Variants in UBXN6 observed in about 807,000 individuals in gnomAD.
The protein encoded by UBXN6 is UBX domain protein 6, also known as UBX domain-containing protein 6.
A neutral mutation model predicts 51.4 loss-of-function variants in UBXN6; 44 were observed. The observed-to-expected ratio is 0.86, with a 90% confidence interval of 0.67 to 1.10. The LOEUF (loss-of-function observed/expected upper bound fraction) is 1.10. UBXN6 is among the 50% of genes least tolerant of loss of function. The pLI is 0.00. For missense variants in UBXN6, 672 were observed against 596.1 expected (o/e 1.13, Z -1.32); for synonymous variants, 316 against 263.2 (o/e 1.20, Z -1.94).
At chr19:4,455,099 G>T in intron 1 of UBXN6, 1 of 580,810 alleles carries the variant, frequency 1.7e-6, no homozygotes, top group Non-Finnish European at 2.2e-6. Context: ...ACCAAGGAGA[G>T]TTCCGTAACC....
intron 10 of UBXN6, 172 bp downstream of exon 10, chr19:4,445,877 C>T: frequency 1.7e-6 from 2 of 1,172,732 alleles, no homozygotes; most frequent in South Asian, 1.6e-5. Flanking sequence ...TAGTTATGAA[C>T]TTGCTCGAGG....
At chr19:4,445,865 A>G (rs1974499907) in intron 10 of UBXN6, 184 bp downstream of exon 10, 1 of 1,081,688 alleles carries the variant, frequency 9.2e-7, no homozygotes, top group Admixed American at 2.8e-5. Context: ...TGAGGCGTGG[A>G]GTAGTTATGA....
intron 4 of UBXN6, among the ~76,000 whole-genome samples, chr19:4,451,687 G>C (rs1457319844): frequency 6.6e-6 from 1 of 151,832 alleles, no homozygotes; most frequent in Non-Finnish European, 1.5e-5. Flanking sequence ...GCCCAGGTTG[G>C]AGTGCAATGG....
At chr19:4,447,017 G>C in intron 6 of UBXN6, 97 bp from the exon 7 acceptor site, 1 of 1,257,578 alleles carries the variant, frequency 8.0e-7, no homozygotes, top group Non-Finnish European at 1.1e-6. Context: ...GCTATTGGGA[G>C]CAGCTGTCGA....
upstream of UBXN6, chr19:4,457,803 A>T (rs1432803845): frequency 1.4e-3 from 746 of 522,172 alleles, 23 homozygotes; most frequent in Non-Finnish European, 1.6e-3. Flanking sequence ...ATTAAAAAAA[A>T]AAAAAAAAAA....
chr19:4,446,533 G>A lies in UBXN6; in HGVS notation c.887C>T (p.Thr296Ile). The part of the protein sequence containing the change: ...FELPGDFFNL[T>I]AEEIKREQRL... ...CTGCTCCCGCTTGATCTCCTCTGCT[G>A]TGAGGTTGAAGAAGTCCCCAGGCAG... The change falls in exon 8 of 11, where the codon ACA becomes ATA. Residue 296 changes from threonine (T) to isoleucine (I), a missense_variant. By Grantham distance (89) the Thr-to-Ile change is moderately conservative. Transcript: ENST00000301281. 2 of 1,611,914 alleles carry A rather than the reference G, an allele frequency of 1.2e-6. No individual in the cohort carries two copies.
At chr19:4,447,782 G>T in intron 5 of UBXN6, 157 bp from the exon 6 acceptor site, 1 of 713,108 alleles carries the variant, frequency 1.4e-6, no homozygotes, top group Non-Finnish European at 2.4e-6. Flanking sequence ...CCATCTCCGG[G>T]TGGAAGGCAC....
rs775220787 is a variant in UBXN6, at chr19:4,446,344, C to T, written c.990G>A (p.Gly330=). The change falls in exon 9 of 11, where the codon GGG becomes GGA. Residue 330 remains glycine, a synonymous_variant. Coordinates refer to ENST00000301281, the MANE Select transcript of UBXN6 (RefSeq NM_025241.3). The part of the protein sequence containing the change: ...KAMREKEEQR[G]LRKYNYTLLR... ...GCAGCGTGTAGTTGTACTTGCGCAGCCCCCGCTGCTCCTCCTTCTCCCGCA... is the reference window on the plus strand; with the variant it reads ...GCAGCGTGTAGTTGTACTTGCGCAGTCCCCGCTGCTCCTCCTTCTCCCGCA... 4.5e-6 allele frequency: 7 copies of T among 1,570,268 alleles called. No homozygotes were observed. The highest frequency in any genetic ancestry group is 1.1e-5 in the South Asian group (1 of 87,336).
At chr19:4,449,610 T>A (rs1418407403) in intron 4 of UBXN6, 1 of 152,148 alleles carries the variant, frequency 6.6e-6, no homozygotes, top group African/African-American at 2.4e-5. Context: ...GCGTGTCAGC[T>A]CCAAAAGCGG....
chr19:4,453,311 G>C (rs1974685847), intron 3 of UBXN6, 147 bp downstream of exon 3: 1 of 879,646 alleles, frequency 1.1e-6, no homozygotes, highest in Non-Finnish European at 1.7e-6. Flanking sequence ...ACAACACCGT[G>C]TTCCACCACA....
chr19:4,446,381 C>G lies in UBXN6; in HGVS notation c.953G>C (p.Arg318Pro). Residue 318 changes from arginine (R) to proline (P), a missense_variant, in exon 9 of 11, where the codon CGG becomes CCG. Coordinates refer to ENST00000301281, the MANE Select transcript of UBXN6 (RefSeq NM_025241.3). ...CTCCTTCTCCCGCATGGCCTTGGTCCGCAGCACGCTCAGCCGCTCCACCGC... is the reference window on the plus strand; with the variant it reads ...CTCCTTCTCCCGCATGGCCTTGGTCGGCAGCACGCTCAGCCGCTCCACCGC... ...SEAVERLSVL[R>P]TKAMREKEEQ... is the part of the protein sequence containing the mutation. 6.3e-7 allele frequency: 1 copy of G among 1,576,872 alleles called. No homozygotes were observed. The highest frequency in any genetic ancestry group is 1.3e-5 in the African/African-American group (1 of 74,528).
rs998827976 is a variant in UBXN6 at position 4,453,601 on chromosome 19, C to T, written c.248-79G>A. On this transcript the variant is annotated intron_variant, in intron 2 of 10. Transcript: ENST00000301281. Reference sequence around the variant, plus strand: ...GTCCTGGCCCAAGCCCCCTCATTCCCGGGGTGGGCCTGGGGGCCACGCACA... The same window carrying T: ...GTCCTGGCCCAAGCCCCCTCATTCCTGGGGTGGGCCTGGGGGCCACGCACA... The T allele has an allele frequency of 2.0e-5, 31 of 1,545,570 alleles. No homozygotes were observed. The East Asian group carries it at 3.3e-4, about 16-fold the overall frequency.
At chr19:4,452,986 G>A (rs1471035443) in intron 3 of UBXN6, among the ~76,000 whole-genome samples, 1 of 152,190 alleles carries the variant, frequency 6.6e-6, no homozygotes, top group Non-Finnish European at 1.5e-5. Flanking sequence ...CCACCTCCTA[G>A]AGGAAGGCCT....
intron 1 of UBXN6, among the ~76,000 whole-genome samples, chr19:4,456,529 G>A (rs961178979): frequency 1.3e-5 from 2 of 151,312 alleles, no homozygotes; most frequent in African/African-American, 4.9e-5. Flanking sequence ...CCACCCTCTG[G>A]CCAGCCAGCT....
At chr19:4,457,544 C>G in intron 1 of UBXN6, 71 bp downstream of exon 1, 1 of 1,440,808 alleles carries the variant, frequency 6.9e-7, no homozygotes, top group Non-Finnish European at 9.3e-7. Flanking sequence ...CCGAGCCGCC[C>G]AAGGCCCCAG....
intron 4 of UBXN6, 193 bp from the exon 5 acceptor site, chr19:4,448,608 G>A (rs1050795431): frequency 1.7e-5 from 10 of 600,550 alleles, no homozygotes; most frequent in East Asian, 5.5e-5. Flanking sequence ...GGGCAGAGGC[G>A]ACGCAGCCAA....
At chr19:4,453,308 C>G (rs1304517165) in intron 3 of UBXN6, 150 bp downstream of exon 3, 2 of 855,758 alleles carry the variant, frequency 2.3e-6, no homozygotes, top group Non-Finnish European at 3.6e-6. Flanking sequence ...CAGACAACAC[C>G]GTGTTCCACC....
chr19:4,447,087 A>G (rs1974548913), intron 6 of UBXN6, 167 bp from the exon 7 acceptor site: 4 of 645,804 alleles, frequency 6.2e-6, no homozygotes, highest in Middle Eastern at 8.0e-4. Flanking sequence ...CTGCTTTTCT[A>G]CGGTGGGGGC....
chr19:4,451,982 C>G (rs1974660810), intron 4 of UBXN6, among the ~76,000 whole-genome samples: 1 of 151,694 alleles, frequency 6.6e-6, no homozygotes, highest in African/African-American at 2.4e-5. Flanking sequence ...AACCCCATCT[C>G]TACTAAAAAT....
Sources: allele counts gnomAD v4.1 joint callset (sites outside exome capture counted in the v4.1 genomes callset), GRCh38; gene constraint gnomAD v4.1.1; transcripts MANE v1.5; gene names NCBI Gene and HGNC (gene_info 2026-07-23, HGNC 2026-07-21).